Variants in ELAVL2 observed in about 807,000 individuals in gnomAD.
The protein encoded by ELAVL2 is ELAV-like protein 2.
A neutral mutation model predicts 34.6 loss-of-function variants in ELAVL2; 4 were observed. That is an observed-to-expected ratio of 0.12 (90% CI 0.06 to 0.26). ELAVL2 has a LOEUF of 0.26. Among genes scored for constraint, ELAVL2 ranks in the 10% least tolerant of loss-of-function variants. ELAVL2 has a pLI of 1.00. For missense variants in ELAVL2, 432 were observed against 442.8 expected, an observed-to-expected ratio of 0.98 and a Z score of 0.22; for synonymous variants, 193 against 154.8, an observed-to-expected ratio of 1.25 and a Z score of -1.83.
chr9:23,786,511 A>C (rs2042371310), intron 1 of ELAVL2, among the ~76,000 whole-genome samples: 1 of 140,546 alleles, frequency 7.1e-6, no homozygotes, highest in South Asian at 2.2e-4. Flanking sequence ...TTCACACTTT[A>C]AAAAAAAAAT....
intron 2 of ELAVL2, among the ~76,000 whole-genome samples, chr9:23,747,404 CTG>C (rs1328167825): frequency 6.6e-6 from 1 of 152,158 alleles, no homozygotes; most frequent in Non-Finnish European, 1.5e-5. Flanking sequence ...GAAAGCGAAA[CTG>C]TTGATAATGG....
intron 1 of ELAVL2, among the ~76,000 whole-genome samples, chr9:23,800,922 C>T (rs925921188): frequency 3.3e-5 from 5 of 152,148 alleles, no homozygotes; most frequent in African/African-American, 1.2e-4. Flanking sequence ...TTAACATTTC[C>T]TTCCTGCTTG....
chr9:23,823,252 C>T (rs1454375210), intron 1 of ELAVL2, among the ~76,000 whole-genome samples: 1 of 152,230 alleles, frequency 6.6e-6, no homozygotes, highest in Non-Finnish European at 1.5e-5. Flanking sequence ...ATAATATTCT[C>T]ATCCCAGGCA....
rs189954334 is a variant in ELAVL2, at chr9:23,737,406, T to G, written c.230-6281A>C. ...AGTCATACGAGTTTTAAATAGTTCA[T>G]GTAAAATTGTTCATACGAAAAATTT... On this transcript the variant is annotated intron_variant, in intron 2 of 6. Coordinates refer to ENST00000397312, the MANE Select transcript of ELAVL2 (RefSeq NM_004432.5). 1.1e-3 allele frequency among the ~76,000 whole-genome samples: 162 copies of G among 152,344 alleles called. 2 individuals are homozygous for G. The highest frequency in any genetic ancestry group is 0.011 in the Admixed American group (162 of 15,294).
Position 23,692,900 on chromosome 9 carries a change from G to C in ELAVL2, c.753-16C>G. 1 of 1,608,778 alleles carries C rather than the reference G, an allele frequency of 6.2e-7. No homozygotes were observed. The highest frequency in any genetic ancestry group is 8.5e-7 in the Non-Finnish European group (1 of 1,176,282). Reference sequence around the variant, plus strand: ...TGGAGAAAACCTGCTAAACAGAATAGGAAATACACACATACACACAAAAAA... The same window carrying C: ...TGGAGAAAACCTGCTAAACAGAATACGAAATACACACATACACACAAAAAA... On this transcript the variant is annotated splice_polypyrimidine_tract_variant and intron_variant, in intron 6 of 6. Transcript: ENST00000397312.
At chr9:23,749,150 C>A (rs1247409260) in intron 2 of ELAVL2, among the ~76,000 whole-genome samples, 1 of 151,916 alleles carries the variant, frequency 6.6e-6, no homozygotes, top group Non-Finnish European at 1.5e-5. Context: ...TTATATTTTG[C>A]CACAATAAAA....
intron 3 of ELAVL2, among the ~76,000 whole-genome samples, chr9:23,710,256 T>G (rs1204088225): frequency 6.6e-6 from 1 of 152,172 alleles, no homozygotes; most frequent in Admixed American, 6.5e-5. Context: ...ACACATACAC[T>G]AAGAGTGGGC....
chr9:23,844,934 C>T, the ELAVL2 span, among the ~76,000 whole-genome samples: 3 of 151,904 alleles, frequency 2.0e-5, no homozygotes, highest in Non-Finnish European at 4.4e-5. Context: ...AGGACCTATG[C>T]AGGAACTTTC....
At chr9:23,792,369 GCC>G (rs1216061517) in intron 1 of ELAVL2, among the ~76,000 whole-genome samples, 1 of 152,144 alleles carries the variant, frequency 6.6e-6, no homozygotes, top group African/African-American at 2.4e-5. Flanking sequence ...ACTGAACCAT[GCC>G]CCCTCGCTTT....
At chr9:23,847,432 A>G in the ELAVL2 span, 1 of 152,058 alleles carries the variant, frequency 6.6e-6, no homozygotes, top group Non-Finnish European at 1.5e-5. Context: ...ATTGGAATCA[A>G]TGACTTTCTA....
intron 4 of ELAVL2, among the ~76,000 whole-genome samples, chr9:23,701,878 C>G (rs981583898): frequency 5.3e-5 from 8 of 152,142 alleles, no homozygotes; most frequent in African/African-American, 1.9e-4. Context: ...CAAGAAAACA[C>G]AAGCATGTCC....
chr9:23,812,406 G>A (rs961391577), intron 1 of ELAVL2, among the ~76,000 whole-genome samples: 1 of 152,052 alleles, frequency 6.6e-6, no homozygotes, highest in African/African-American at 2.4e-5. Flanking sequence ...ATATATCAAA[G>A]TCATTCTTAT....
intron 1 of ELAVL2, among the ~76,000 whole-genome samples, chr9:23,774,235 A>AAAAAAAAG (rs59791462): frequency 9.8e-5 from 13 of 132,334 alleles, no homozygotes; most frequent in African/African-American, 3.8e-4. Context: ...AAAAAAAAAA[A>AAAAAAAAG]AAAGAAAGAA....
At chr9:23,831,234 G>T (rs992800052), upstream of ELAVL2, among the ~76,000 whole-genome samples, 16 of 152,152 alleles carry the variant, frequency 1.1e-4, no homozygotes, top group Non-Finnish European at 1.6e-4. Flanking sequence ...AATAAAACCG[G>T]GCTGAGCAAC....
chr9:23,803,630 C>T (rs2061839346), intron 1 of ELAVL2, among the ~76,000 whole-genome samples: 1 of 152,156 alleles, frequency 6.6e-6, no homozygotes, highest in South Asian at 2.1e-4. Context: ...GAGAAATGTT[C>T]CTGTATGGAT....
chr9:23,796,146 T>C (rs1484836487), intron 1 of ELAVL2, among the ~76,000 whole-genome samples: 1 of 152,228 alleles, frequency 6.6e-6, no homozygotes, highest in African/African-American at 2.4e-5. Context: ...ATGAACTTTC[T>C]AGGTCCTACT....
At chr9:23,839,384 C>G in the ELAVL2 span, among the ~76,000 whole-genome samples, 11 of 152,052 alleles carry the variant, frequency 7.2e-5, no homozygotes, top group Non-Finnish European at 1.2e-4. Context: ...TAATTTTAAA[C>G]CAAACATGAC....
intron 2 of ELAVL2, among the ~76,000 whole-genome samples, chr9:23,751,460 A>G (rs902454034): frequency 5.9e-5 from 9 of 152,160 alleles, no homozygotes; most frequent in African/African-American, 1.9e-4. Flanking sequence ...TTTCAATGGA[A>G]AAGAAAACAA....
intron 1 of ELAVL2, among the ~76,000 whole-genome samples, chr9:23,780,669 T>C (rs1260818114): frequency 6.6e-6 from 1 of 152,200 alleles, no homozygotes; most frequent in African/African-American, 2.4e-5. Flanking sequence ...AATGATCATG[T>C]GTAACACACA....
Sources: allele counts gnomAD v4.1 joint callset (sites outside exome capture counted in the v4.1 genomes callset), GRCh38; gene constraint gnomAD v4.1.1; transcripts MANE v1.5; gene names NCBI Gene and HGNC (gene_info 2026-07-23, HGNC 2026-07-21).